TMC2: variants seen among roughly 807,000 people sequenced by gnomAD.
The protein encoded by TMC2 is transmembrane channel like 2.
In TMC2, 102 loss-of-function variants were observed where a neutral mutation model predicts 105.9. The ratio of observed to expected loss-of-function variants is 0.96; its 90% CI spans 0.82 to 1.14. TMC2 has a LOEUF of 1.14. Among genes scored for constraint, TMC2 ranks in the 50% most tolerant of loss-of-function variants. TMC2 has a pLI of 0.00. For synonymous variants in TMC2, 402 were observed against 422.8 expected (o/e 0.95, Z 0.60); for missense variants, 1,093 against 1,134.3 (o/e 0.96, Z 0.52).
At position 2,592,240 on chromosome 20, in the gene TMC2, C is replaced by T; in HGVS notation, c.835-70C>T. Reference sequence around the variant, plus strand: ...GCTCTGAGAAGGAAAGCATTTACCCCAGTATATGAATGTCTCTGTGTGTTT... The same window carrying T: ...GCTCTGAGAAGGAAAGCATTTACCCTAGTATATGAATGTCTCTGTGTGTTT... On this transcript the variant is annotated intron_variant, in intron 7 of 19. Transcript: ENST00000358864. The surrounding 1 kb of genome is among the most constrained non-coding windows in gnomAD (Gnocchi z 4.9). 3.2e-6 allele frequency: 3 copies of T among 928,026 alleles called. No individual in the cohort carries two copies. In the South Asian group the frequency reaches 4.2e-5, roughly 13 times the overall value. The allele number at this position is 928,026 out of a possible 1,614,324, so 57.5% of individuals were successfully genotyped here.
chr20:2,612,527 C>G (rs1290087747), intron 13 of TMC2, among the ~76,000 whole-genome samples, 187 bp downstream of exon 13: 1 of 152,218 alleles, frequency 6.6e-6, no homozygotes, highest in African/African-American at 2.4e-5. Context: ...AACTCCAAAT[C>G]TCTTTGGTGT....
rs200503049 is a variant in TMC2 at position 2,556,605 on chromosome 20, T to TA, written c.83-1842dup. On this transcript the variant is annotated intron_variant, in intron 2 of 19. Coordinates refer to ENST00000358864, the MANE Select transcript of TMC2 (RefSeq NM_080751.3). ...GGGCAAGATAGTGATACTCCATCTT[T>TA]AAAAAAAAATTGTTTTTTAATTAGC... Among the ~76,000 whole-genome samples, 438 of 151,488 alleles carry TA rather than the reference T, an allele frequency of 2.9e-3. 1 individual carries two copies. Among genetic ancestry groups the TA allele is most frequent in the African/African-American group, 9.8e-3 (405 of 41,338 alleles).
chr20:2,548,044 T>G (rs1192671182), intron 2 of TMC2, among the ~76,000 whole-genome samples: 1 of 152,172 alleles, frequency 6.6e-6, no homozygotes, highest in Non-Finnish European at 1.5e-5. Context: ...CATAATAGAG[T>G]ATCATTTAAT....
At chr20:2,549,128 G>A (rs562973727) in intron 2 of TMC2, among the ~76,000 whole-genome samples, 1 of 152,306 alleles carries the variant, frequency 6.6e-6, no homozygotes, top group African/African-American at 2.4e-5. Context: ...CCAGGCTGGA[G>A]TGCACTGGTG....
At chr20:2,602,758 C>T (rs1305824885) in intron 11 of TMC2, among the ~76,000 whole-genome samples, 1 of 152,206 alleles carries the variant, frequency 6.6e-6, no homozygotes, top group African/African-American at 2.4e-5. Context: ...CACAATAAAA[C>T]ACATTAAGGT....
At chr20:2,613,056 A>G in intron 13 of TMC2, 138 bp from the exon 14 acceptor site, 1 of 1,187,600 alleles carries the variant, frequency 8.4e-7, no homozygotes, top group South Asian at 1.6e-5. Context: ...CTCTCTTCAC[A>G]CACAAAGGAT....
In TMC2 at chr20:2,641,501, C is replaced by T. The variant is rs940259137; in HGVS notation, c.*150C>T. On this transcript the variant is annotated 3_prime_UTR_variant, in exon 20 of 20. Transcript: ENST00000358864. ...ATGCATGAACTTTGATTCCTTCAGG[C>T]CCTTGTCAGCTACCGAAGGAGGAAG... is the stretch of plus-strand genomic sequence containing the variant. 1 of 606,624 alleles carries T rather than the reference C, an allele frequency of 1.6e-6. No homozygotes were observed. The highest frequency in any genetic ancestry group is 2.9e-6 in the Non-Finnish European group (1 of 342,726). The allele number at this position is 606,624 out of a possible 1,614,324, so 37.6% of individuals were successfully genotyped here. A position where few individuals can be genotyped will look rare whatever the true frequency, so the allele number is the denominator to read the frequency against.
intron 17 of TMC2, among the ~76,000 whole-genome samples, chr20:2,628,927 C>T (rs6037150): frequency 0.62 from 91,132 of 147,570 alleles, 27,855 homozygotes; most frequent in East Asian, 0.84. Flanking sequence ...ACGGTGAAAC[C>T]CCGTCTCTAC....
intron 2 of TMC2, among the ~76,000 whole-genome samples, chr20:2,544,060 C>T (rs947167201): frequency 7.5e-5 from 10 of 133,022 alleles, no homozygotes; most frequent in Non-Finnish European, 1.4e-4. Context: ...CGCCACCATG[C>T]CTAGCTGATT....
intron 2 of TMC2, among the ~76,000 whole-genome samples, chr20:2,538,114 T>C (rs1019495868): frequency 1.8e-4 from 27 of 152,040 alleles, no homozygotes; most frequent in African/African-American, 6.5e-4. Context: ...CTCTGGCCAG[T>C]AGGGAGCTGG....
At chr20:2,613,673 T>C in intron 14 of TMC2, 1 of 332,822 alleles carries the variant, frequency 3.0e-6, no homozygotes, top group Non-Finnish European at 5.8e-6. Flanking sequence ...AATCTGACAG[T>C]GGAGGCGAAT....
intron 4 of TMC2, among the ~76,000 whole-genome samples, chr20:2,564,610 C>A (rs2086051540): frequency 6.6e-6 from 1 of 152,202 alleles, no homozygotes; most frequent in African/African-American, 2.4e-5. Flanking sequence ...AAAGTGCAGC[C>A]TTGATGCCTA....
chr20:2,577,962 C>T (rs2086159354), intron 5 of TMC2, among the ~76,000 whole-genome samples: 1 of 151,998 alleles, frequency 6.6e-6, no homozygotes, highest in Non-Finnish European at 1.5e-5. Context: ...CAGGTGCGGA[C>T]TTTAGTGACT....
rs1413269409 is a variant in TMC2, at chr20:2,597,287, A to G, written c.1213A>G (p.Thr405Ala). The G allele has an allele frequency of 6.2e-7, 1 of 1,613,722 alleles. No individual in the cohort carries two copies. Among genetic ancestry groups the G allele is most frequent in the Admixed American group, 1.7e-5 (1 of 60,000 alleles). ...TADNKYASIT[T>A]SFKESIVDEQ... The stretch of plus-strand genomic sequence containing the variant: ...TGATAACAAATATGCATCCATCACC[A>G]CCAGCTTCAAGGTAGTCACCCCAGG... The change falls in exon 10 of 20, where the codon ACC (threonine) becomes GCC (alanine). Residue 405 changes from threonine to alanine, a missense_variant. Physicochemically the swap from Thr to Ala is moderately conservative, Grantham distance 58 (BLOSUM62 0). Coordinates refer to ENST00000358864, the MANE Select transcript of TMC2 (RefSeq NM_080751.3).
At chr20:2,637,127 G>A (rs968215166) in intron 18 of TMC2, among the ~76,000 whole-genome samples, 9 of 151,836 alleles carry the variant, frequency 5.9e-5, no homozygotes, top group African/African-American at 1.7e-4. Context: ...GGTGGCTCAC[G>A]CCTGTAATCC....
intron 4 of TMC2, among the ~76,000 whole-genome samples, chr20:2,569,795 G>T (rs532355898): frequency 1.3e-5 from 2 of 152,246 alleles, no homozygotes; most frequent in African/African-American, 2.4e-5. Flanking sequence ...CTCACCCAGG[G>T]CTAAGGTTCT....
At chr20:2,560,130 A>C (rs2086015207) in intron 3 of TMC2, among the ~76,000 whole-genome samples, 1 of 152,162 alleles carries the variant, frequency 6.6e-6, no homozygotes, top group African/African-American at 2.4e-5. Flanking sequence ...GAGAAGGTGA[A>C]CATCCCAGTG....
At position 2,641,534 on chromosome 20, in the gene TMC2, C is replaced by T; in HGVS notation, c.*183C>T. 1.7e-6 allele frequency: 1 copy of T among 586,544 alleles called. No individual in the cohort carries two copies. The highest frequency in any genetic ancestry group is 3.0e-6 in the Non-Finnish European group (1 of 329,074). The allele number at this position is 586,544 out of a possible 1,614,324, so 36.3% of individuals were successfully genotyped here. A position where few individuals can be genotyped will look rare whatever the true frequency, so the allele number is the denominator to read the frequency against. On this transcript the variant is annotated 3_prime_UTR_variant, in exon 20 of 20. Coordinates refer to ENST00000358864, the MANE Select transcript of TMC2 (RefSeq NM_080751.3). ...AGCTACCGAAGGAGGAAGACAGTGG[C>T]TTCACCTGTCCTTTAGGGAAGCTGG...
intron 16 of TMC2, chr20:2,618,266 T>TTGTCTTTC (rs2086499893): frequency 6.6e-6 from 1 of 152,548 alleles, no homozygotes; most frequent in African/African-American, 2.4e-5. Context: ...AATGCAATAT[T>TTGTCTTTC]TGTCTTTCTG....
Sources: allele counts gnomAD v4.1 joint callset (sites outside exome capture counted in the v4.1 genomes callset), GRCh38; gene constraint gnomAD v4.1.1; non-coding constraint Gnocchi (gnomAD v3.1); transcripts MANE v1.5; gene names NCBI Gene and HGNC (gene_info 2026-07-23, HGNC 2026-07-21).